Variants in SNX6 observed in about 807,000 individuals in gnomAD.
SNX6 encodes sorting nexin-6.
Under a neutral mutation model 63.0 loss-of-function variants are expected in SNX6, and 34 were observed. The ratio of observed to expected loss-of-function variants is 0.54; its 90% CI spans 0.41 to 0.72. The LOEUF (loss-of-function observed/expected upper bound fraction) is 0.72, where lower values mean the gene tolerates loss of function less well. Among genes scored for constraint, SNX6 ranks in the 30% least tolerant of loss-of-function variants. SNX6 has a pLI of 0.00. For missense variants in SNX6, 398 were observed against 471.4 expected (o/e 0.84, Z 1.44); for synonymous variants, 170 against 164.2 (o/e 1.04, Z -0.27).
intron 9 of SNX6, 110 bp downstream of exon 9, chr14:34,586,120 C>A (rs972398640): frequency 1.7e-5 from 9 of 530,160 alleles, no homozygotes; most frequent in Non-Finnish European, 2.7e-5. Context: ...TCAGGCTGGT[C>A]TTGAACTCCT....
chr14:34,573,318 T>C (rs1455952027), intron 11 of SNX6, among the ~76,000 whole-genome samples: 1 of 152,102 alleles, frequency 6.6e-6, no homozygotes, highest in East Asian at 1.9e-4. Context: ...TTCACGCCTG[T>C]AATCCTAGCA....
intron 2 of SNX6, among the ~76,000 whole-genome samples, chr14:34,616,924 A>G (rs1883437999): frequency 6.7e-6 from 1 of 150,304 alleles, no homozygotes; most frequent in South Asian, 2.1e-4. Context: ...TATAAAAAAG[A>G]AAAAAAAAAT....
At chr14:34,612,832 C>T (rs1883282272) in intron 2 of SNX6, among the ~76,000 whole-genome samples, 1 of 151,772 alleles carries the variant, frequency 6.6e-6, no homozygotes, top group South Asian at 2.1e-4. Context: ...AGTGGATCAC[C>T]TGAGGTCAGG....
chr14:34,569,747 T>C (rs577872871), intron 11 of SNX6, among the ~76,000 whole-genome samples: 1 of 152,346 alleles, frequency 6.6e-6, no homozygotes, highest in Non-Finnish European at 1.5e-5. Context: ...TTTCTACTGC[T>C]GAGTAGTATT....
intron 8 of SNX6, among the ~76,000 whole-genome samples, chr14:34,592,125 C>T (rs1464008987): frequency 6.6e-6 from 1 of 152,000 alleles, no homozygotes; most frequent in African/African-American, 2.4e-5. Context: ...CGGTGGCTCA[C>T]GCCTGTAATC....
At chr14:34,604,028 C>T (rs1882922807) in intron 5 of SNX6, 5 of 860,088 alleles carry the variant, frequency 5.8e-6, no homozygotes, top group African/African-American at 1.8e-5. Context: ...TCCCAGAGAC[C>T]ACAAAGTAAT....
rs143519250 is a variant in SNX6, at chr14:34,571,495, G to C, written c.922-3482C>G. On this transcript the variant is annotated intron_variant, in intron 11 of 13. Transcript: ENST00000362031. ...GAAACTTAAGCGCATGTAACTAAAT[G>C]CAAGAAGCCCACCTGAAAACACTAT... 4.5e-3 allele frequency among the ~76,000 whole-genome samples: 678 copies of C among 152,184 alleles called. 9 individuals carry two copies. Among genetic ancestry groups the C allele is most frequent in the South Asian group, 0.038 (185 of 4,818 alleles).
intron 13 of SNX6, among the ~76,000 whole-genome samples, chr14:34,565,139 A>G (rs1426650131): frequency 2.0e-5 from 3 of 147,378 alleles, no homozygotes; most frequent in Middle Eastern, 3.5e-3. Flanking sequence ...CTGCAGTGGC[A>G]TGATCTCAGC....
intron 11 of SNX6, among the ~76,000 whole-genome samples, chr14:34,573,632 TTTAA>T (rs1881553091): frequency 6.6e-6 from 1 of 152,088 alleles, no homozygotes; most frequent in African/African-American, 2.4e-5. Context: ...GCTTTTTTTT[TTTAA>T]TTAATTAATT....
intron 6 of SNX6, among the ~76,000 whole-genome samples, chr14:34,598,468 T>C (rs1250350183): frequency 1.3e-5 from 2 of 152,224 alleles, no homozygotes; most frequent in African/African-American, 2.4e-5. Context: ...CTTGGCTCAC[T>C]GCAACATCTG....
intron 6 of SNX6, among the ~76,000 whole-genome samples, chr14:34,601,294 T>C (rs1236794641): frequency 1.3e-5 from 2 of 151,478 alleles, no homozygotes; most frequent in African/African-American, 2.4e-5. Context: ...GGCGCAACCT[T>C]GGCTCACTGC....
At chr14:34,588,420 G>A (rs995823786) in intron 8 of SNX6, among the ~76,000 whole-genome samples, 3 of 151,786 alleles carry the variant, frequency 2.0e-5, no homozygotes, top group Admixed American at 6.6e-5. Context: ...CAACATACCC[G>A]GCCTATTTTT....
intron 7 of SNX6, among the ~76,000 whole-genome samples, chr14:34,593,629 T>C (rs1882487767): frequency 6.6e-6 from 1 of 151,222 alleles, no homozygotes; most frequent in South Asian, 2.1e-4. Context: ...TGGAGTGCAG[T>C]GGCGCGATCT....
In SNX6 at chr14:34,629,943, G is replaced by C; in HGVS notation, c.18C>G (p.Asp6Glu). 1 of 1,548,926 alleles carries C rather than the reference G, an allele frequency of 6.5e-7. No homozygotes were observed. Residue 6 changes from aspartate to glutamate, a missense_variant, in exon 2 of 14, where the codon GAC (aspartate) becomes GAG (glutamate). Physicochemically the swap from Asp to Glu is conservative, Grantham distance 45. Coordinates refer to ENST00000362031, the MANE Select transcript of SNX6 (RefSeq NM_152233.4). The part of the protein sequence containing the change: MMEGL[D>E]DGPDFLSEED... The stretch of plus-strand genomic sequence containing the variant: ...CTTCTGAGAGGAAGTCCGGGCCGTC[G>C]TCCAGGCCTTCCTGTGGGGTCGGCG...
At position 34,609,750 on chromosome 14, in the gene SNX6, A is replaced by G. The variant is rs45441194; in HGVS notation, c.55-8T>C. On this transcript the variant is annotated splice_region_variant and splice_polypyrimidine_tract_variant and intron_variant, in intron 2 of 13. Coordinates refer to ENST00000362031, the MANE Select transcript of SNX6 (RefSeq NM_152233.4). ...TACATTTATTGCTTTAAGCTAGAAA[A>G]AGAAAACCAGTATCTTCATGAAAAT... The G allele has an allele frequency of 5.0e-5, 78 of 1,560,676 alleles. No homozygotes were observed. The Middle Eastern group carries it at 1.0e-3, about 20-fold the overall frequency.
intron 10 of SNX6, 49 bp downstream of exon 10, chr14:34,581,512 C>G (rs1315775031): frequency 9.3e-7 from 1 of 1,071,716 alleles, no homozygotes; most frequent in Non-Finnish European, 1.4e-6. Flanking sequence ...AACATGAGCT[C>G]TCTCTGGGCA....
chr14:34,611,209 T>C (rs1341549826), intron 2 of SNX6, among the ~76,000 whole-genome samples: 1 of 142,116 alleles, frequency 7.0e-6, no homozygotes, highest in Non-Finnish European at 1.5e-5. Context: ...GCCAGGCTGG[T>C]CTTGAACTCC....
chr14:34,593,983 TA>T (rs1228199335), intron 7 of SNX6, among the ~76,000 whole-genome samples: 1 of 152,218 alleles, frequency 6.6e-6, no homozygotes, highest in Non-Finnish European at 1.5e-5. Flanking sequence ...CCCAACGTGC[TA>T]AAGTGCTGGG....
intron 11 of SNX6, among the ~76,000 whole-genome samples, chr14:34,572,997 TAA>T (rs1017903466): frequency 3.3e-5 from 5 of 152,036 alleles, no homozygotes; most frequent in Non-Finnish European, 7.4e-5. Context: ...TTAACTTTTT[TAA>T]AAGACAAGGT....
Sources: gnomAD v4.1 joint callset for allele counts (sites outside exome capture counted in the v4.1 genomes callset) on GRCh38, gnomAD v4.1.1 for gene constraint, MANE v1.5 for transcripts, NCBI Gene and HGNC (gene_info 2026-07-23, HGNC 2026-07-21) for gene names.